Variants in GREM2 observed in about 807,000 individuals in gnomAD.
GREM2 encodes the protein gremlin-2.
Under a neutral mutation model 14.2 loss-of-function variants are expected in GREM2, and 11 were observed. The observed-to-expected ratio is 0.78, with a 90% CI of 0.49 to 1.28. GREM2 has a LOEUF of 1.28. Among genes scored for constraint, GREM2 ranks in the 50% most tolerant of loss-of-function variants. The probability of loss-of-function intolerance (pLI) is 0.00; values close to 1 mark genes in which losing one functional copy is unlikely to be tolerated. For missense variants in GREM2, 210 were observed against 218.5 expected, an observed-to-expected ratio of 0.96 and a Z score of 0.24; for synonymous variants, 98 against 97.6, an observed-to-expected ratio of 1.00 and a Z score of -0.02.
chr1:240,495,274 C>A (rs75934402), intron 1 of GREM2, among the ~76,000 whole-genome samples: 2 of 152,126 alleles, frequency 1.3e-5, no homozygotes, highest in African/African-American at 4.8e-5. Context: ...TTCTGTTTTA[C>A]CTTCTCTAGG....
intron 1 of GREM2, among the ~76,000 whole-genome samples, chr1:240,519,695 T>G (rs1211484476): frequency 4.0e-5 from 6 of 150,106 alleles, no homozygotes; most frequent in African/African-American, 1.5e-4. Context: ...AAAAGATACA[T>G]TTTTTTTTTC....
chr1:240,531,766 T>C (rs1037449953), intron 1 of GREM2: 2 of 786,686 alleles, frequency 2.5e-6, no homozygotes, highest in Non-Finnish European at 3.1e-6. Flanking sequence ...TGGAGAGCAA[T>C]GGCGTGATCT....
intron 1 of GREM2, among the ~76,000 whole-genome samples, chr1:240,513,965 G>A (rs377122017): frequency 1.2e-4 from 11 of 91,698 alleles, no homozygotes; most frequent in African/African-American, 9.3e-4. Flanking sequence ...TTCAGAAATA[G>A]TCCGGTGCGG....
At chr1:240,607,200 A>C (rs1226186657) in intron 1 of GREM2, among the ~76,000 whole-genome samples, 1 of 152,206 alleles carries the variant, frequency 6.6e-6, no homozygotes, top group Non-Finnish European at 1.5e-5. Flanking sequence ...AGCTGGAATG[A>C]AGCCCAGTGA....
At chr1:240,551,111 C>T (rs1210888486) in intron 1 of GREM2, among the ~76,000 whole-genome samples, 2 of 152,102 alleles carry the variant, frequency 1.3e-5, no homozygotes, top group African/African-American at 2.4e-5. Context: ...CTCATCTTCC[C>T]CATGCTTTCT....
At chr1:240,588,702 A>C (rs1679648625) in intron 1 of GREM2, 1 of 152,242 alleles carries the variant, frequency 6.6e-6, no homozygotes, top group Non-Finnish European at 1.5e-5. Context: ...AATGACACTA[A>C]TATGTCAAAA....
At chr1:240,563,233 G>C (rs539771387) in intron 1 of GREM2, among the ~76,000 whole-genome samples, 1 of 152,028 alleles carries the variant, frequency 6.6e-6, no homozygotes, top group South Asian at 2.1e-4. Context: ...GTGCGTGAGA[G>C]TGTGTGTGTA....
chr1:240,586,901 G>T (rs1679610451), intron 1 of GREM2, among the ~76,000 whole-genome samples: 1 of 152,144 alleles, frequency 6.6e-6, no homozygotes. Flanking sequence ...AATTAAACTG[G>T]AAAAACGAGA....
chr1:240,489,887 A>G lies in GREM2; in HGVS notation c.*3082T>C, dbSNP rs903812791. On this transcript the variant is annotated 3_prime_UTR_variant, in exon 2 of 2. Transcript: ENST00000318160. ...AATATTCTGTCCCATTTAATAAACT[A>G]AGATGAATTATTTCCTAGGAAGTTG... 2 of 152,246 alleles carry G rather than the reference A, an allele frequency of 1.3e-5. No individual in the cohort carries two copies. The highest frequency in any genetic ancestry group is 2.9e-5 in the Non-Finnish European group (2 of 68,050). The allele number at this position is 152,246 out of a possible 1,614,324, so 9.4% of individuals were successfully genotyped here. A position where few individuals can be genotyped will look rare whatever the true frequency, so the allele number is the denominator to read the frequency against.
Position 240,500,479 on chromosome 1 carries a change from A to G in GREM2, c.-1-7003T>C, listed in dbSNP as rs747459020. The stretch of plus-strand genomic sequence containing the variant: ...ACACCTGGCTAATTTTTTTTTTTGT[A>G]TTTTTAATAGAGACAAGGTTTCACC... On this transcript the variant is annotated intron_variant, in intron 1 of 1. Transcript: ENST00000318160. Among the ~76,000 whole-genome samples, 55 of 150,466 alleles carry G rather than the reference A, an allele frequency of 3.7e-4. 2 individuals carry two copies. Among genetic ancestry groups the G allele is most frequent in the Non-Finnish European group, 5.2e-4 (35 of 67,612 alleles).
At chr1:240,590,431 C>CTTTTTTTTTTT (rs11343465) in intron 1 of GREM2, among the ~76,000 whole-genome samples, 1 of 139,212 alleles carries the variant, frequency 7.2e-6, no homozygotes. Flanking sequence ...CTTTTTCTTT[C>CTTTTTTTTTTT]TTTTTTTTTT....
At chr1:240,521,591 A>C (rs900912102) in intron 1 of GREM2, among the ~76,000 whole-genome samples, 13 of 152,102 alleles carry the variant, frequency 8.5e-5, no homozygotes, top group Non-Finnish European at 1.9e-4. Context: ...AAAAAAACAA[A>C]GAAACAGGAA....
intron 1 of GREM2, among the ~76,000 whole-genome samples, chr1:240,602,614 C>T (rs1016076212): frequency 4.6e-5 from 7 of 151,946 alleles, no homozygotes; most frequent in Admixed American, 2.0e-4. Context: ...GTCAAGAGAT[C>T]AAGACCATCC....
intron 1 of GREM2, among the ~76,000 whole-genome samples, chr1:240,532,418 C>T (rs992803302): frequency 6.6e-6 from 1 of 152,142 alleles, no homozygotes; most frequent in Admixed American, 6.6e-5. Flanking sequence ...CCTTCCATCT[C>T]TATAAATCTA....
intron 1 of GREM2, among the ~76,000 whole-genome samples, chr1:240,599,559 G>A (rs1189267264): frequency 6.6e-6 from 1 of 152,202 alleles, no homozygotes; most frequent in Non-Finnish European, 1.5e-5. Context: ...TTGGTTGAAA[G>A]TCTAAGCATG....
chr1:240,549,426 A>G (rs1256460786), intron 1 of GREM2, among the ~76,000 whole-genome samples: 1 of 152,178 alleles, frequency 6.6e-6, no homozygotes, highest in Non-Finnish European at 1.5e-5. Context: ...TAATTGGTTA[A>G]CCTAAAAAGA....
chr1:240,608,849 T>A (rs1680080191), intron 1 of GREM2, among the ~76,000 whole-genome samples: 1 of 152,144 alleles, frequency 6.6e-6, no homozygotes, highest in African/African-American at 2.4e-5. Context: ...GGAGATTTTT[T>A]AGCCATTTGG....
intron 1 of GREM2, among the ~76,000 whole-genome samples, chr1:240,560,821 C>G (rs1291978978): frequency 3.9e-5 from 6 of 152,294 alleles, no homozygotes; most frequent in African/African-American, 1.2e-4. Flanking sequence ...CTCCCTGATC[C>G]CAAATTAATC....
At chr1:240,499,883 T>C (rs1182044697) in intron 1 of GREM2, among the ~76,000 whole-genome samples, 1 of 152,250 alleles carries the variant, frequency 6.6e-6, no homozygotes, top group Non-Finnish European at 1.5e-5. Context: ...CTGAATATAA[T>C]GCCCATGGTC....
Sources: allele counts gnomAD v4.1 joint callset (sites outside exome capture counted in the v4.1 genomes callset), GRCh38; gene constraint gnomAD v4.1.1; transcripts MANE v1.5; gene names NCBI Gene and HGNC (gene_info 2026-07-23, HGNC 2026-07-21).